SEMA4D: variants seen among roughly 807,000 people sequenced by gnomAD.
The protein encoded by SEMA4D is semaphorin-4D.
Under a neutral mutation model 74.8 loss-of-function variants are expected in SEMA4D, and 22 were observed. The ratio of observed to expected loss-of-function variants is 0.29; its 90% CI spans 0.21 to 0.42. The LOEUF is 0.42. Among genes scored for constraint, SEMA4D ranks in the 10% least tolerant of loss-of-function variants. The pLI, the probability that SEMA4D is intolerant of heterozygous loss-of-function variation, is 1.00. For synonymous variants in SEMA4D, 445 were observed against 463.7 expected (o/e 0.96, Z 0.52); for missense variants, 937 against 1,118.4 (o/e 0.84, Z 2.31).
At chr9:89,398,747 G>A (rs1447212047) in intron 5 of SEMA4D, among the ~76,000 whole-genome samples, 1 of 152,186 alleles carries the variant, frequency 6.6e-6, no homozygotes, top group East Asian at 1.9e-4. Flanking sequence ...GCCTGCTCCT[G>A]CTGGCACCCA....
At chr9:89,370,825 GTGTC>G (rs1308097516) in intron 16 of SEMA4D, among the ~76,000 whole-genome samples, 14 of 146,530 alleles carry the variant, frequency 9.6e-5, no homozygotes, top group East Asian at 8.3e-4. Flanking sequence ...GGTGTGGTGT[GTGTC>G]TGGGGTGCGG....
intron 7 of SEMA4D, among the ~76,000 whole-genome samples, chr9:89,392,983 T>C (rs981830974): frequency 2.6e-5 from 4 of 152,202 alleles, no homozygotes; most frequent in Non-Finnish European, 5.9e-5. Flanking sequence ...CATGAGCCAC[T>C]GAGCCTGGCT....
chr9:89,363,446 C>T, exon 18 of SEMA4D: 1 of 1,613,770 alleles, frequency 6.2e-7, no homozygotes, highest in Non-Finnish European at 8.5e-7. Context: ...CTTCCTCCAG[C>T]TCTGCATCAT....
At position 89,492,193 on chromosome 9, in the gene SEMA4D, A is replaced by C. The variant is rs1564017523; in HGVS notation, c.-310+5726T>G. The stretch of plus-strand genomic sequence containing the variant: ...ATACTTCAGCCCACCATCCCAGACC[A>C]CATGGATAAACCCCAGGTTGTCTTC... On this transcript the variant is annotated intron_variant, in intron 1 of 15. Coordinates refer to ENST00000422704, the MANE Select transcript of SEMA4D (RefSeq NM_001371194.2). The surrounding 1 kb of genome is among the most constrained non-coding windows in gnomAD (Gnocchi z 4.3). Among the ~76,000 whole-genome samples the C allele has an allele frequency of 6.6e-6, 1 of 152,050 alleles. No homozygotes were observed. The highest frequency in any genetic ancestry group is 2.4e-5 in the African/African-American group (1 of 41,392).
chr9:89,385,121 G>A (rs1380490899), intron 13 of SEMA4D: 1 of 930,060 alleles, frequency 1.1e-6, no homozygotes, highest in African/African-American at 1.8e-5. Flanking sequence ...CCGAGTTCTG[G>A]GAGATGGCGG....
chr9:89,487,380 C>T (rs1284359474), intron 1 of SEMA4D, among the ~76,000 whole-genome samples: 1 of 152,060 alleles, frequency 6.6e-6, no homozygotes, highest in Non-Finnish European at 1.5e-5. Context: ...AAAACTTCCA[C>T]CGCCTTGTAA....
intron 12 of SEMA4D, chr9:89,386,823 G>A: frequency 3.5e-6 from 1 of 289,154 alleles, no homozygotes; most frequent in South Asian, 3.4e-5. Context: ...GGGTGTCACT[G>A]GTAAGTGCCC....
chr9:89,454,176 G>T (rs1054235374), intron 2 of SEMA4D, among the ~76,000 whole-genome samples: 2 of 152,192 alleles, frequency 1.3e-5, no homozygotes, highest in Non-Finnish European at 2.9e-5. Flanking sequence ...GAAGATCCCA[G>T]CCTGGGCAAG....
chr9:89,424,545 T>TA, intron 2 of SEMA4D, among the ~76,000 whole-genome samples: 1 of 152,026 alleles, frequency 6.6e-6, no homozygotes, highest in South Asian at 2.1e-4. Context: ...TCCTTCGAGC[T>TA]CTTTTTTTTC....
chr9:89,468,155 C>G (rs1228121895), intron 1 of SEMA4D, among the ~76,000 whole-genome samples: 1 of 152,208 alleles, frequency 6.6e-6, no homozygotes, highest in Non-Finnish European at 1.5e-5. Context: ...CACAGAACCC[C>G]ACTCCACTCC....
chr9:89,452,353 T>C (rs1854799084), intron 2 of SEMA4D, among the ~76,000 whole-genome samples: 1 of 151,898 alleles, frequency 6.6e-6, no homozygotes, highest in Non-Finnish European at 1.5e-5. Flanking sequence ...TAATTTTTTG[T>C]ATTTTTAGTA....
At chr9:89,466,442 A>G (rs1318282822) in intron 1 of SEMA4D, among the ~76,000 whole-genome samples, 1 of 151,896 alleles carries the variant, frequency 6.6e-6, no homozygotes, top group Non-Finnish European at 1.5e-5. Context: ...CACACCTACA[A>G]CACCTGGGAC....
intron 1 of SEMA4D, among the ~76,000 whole-genome samples, chr9:89,496,978 C>G (rs1826068462): frequency 6.6e-6 from 1 of 152,238 alleles, no homozygotes; most frequent in African/African-American, 2.4e-5. Flanking sequence ...GTGCTCAACA[C>G]AGAGTGAGGT....
rs756693751 is a variant in SEMA4D at position 89,396,731 on chromosome 9, C to A, written c.414+6G>T. On this transcript the variant is annotated splice_donor_region_variant and intron_variant, in intron 6 of 15. Transcript: ENST00000422704. Reference sequence around the variant, plus strand: ...GTGAGCACAGGGAGGTGCCCATCAGCCTTACCAGGTGGTCACAGGCCGGCT... The same window carrying A: ...GTGAGCACAGGGAGGTGCCCATCAGACTTACCAGGTGGTCACAGGCCGGCT... 1 of 1,611,554 alleles carries A rather than the reference C, an allele frequency of 6.2e-7. No homozygotes were observed. Among genetic ancestry groups the A allele is most frequent in the Admixed American group, 1.7e-5 (1 of 59,846 alleles).
intron 2 of SEMA4D, among the ~76,000 whole-genome samples, chr9:89,447,309 T>G (rs540786999): frequency 1.3e-5 from 2 of 151,780 alleles, no homozygotes; most frequent in African/African-American, 4.8e-5. Flanking sequence ...CTCAGATGTT[T>G]CCTCAACTCC....
At chr9:89,385,115 G>C (rs1838144648) in intron 13 of SEMA4D, 2 of 941,856 alleles carry the variant, frequency 2.1e-6, no homozygotes, top group Non-Finnish European at 2.5e-6. Context: ...ATGTGACCGA[G>C]TTCTGGGAGA....
downstream of SEMA4D, among the ~76,000 whole-genome samples, chr9:89,375,884 G>A (rs561882785): frequency 6.6e-6 from 1 of 152,314 alleles, no homozygotes; most frequent in African/African-American, 2.4e-5. Context: ...TGATTTTTGA[G>A]ACAGGGTCTT....
intron 1 of SEMA4D, among the ~76,000 whole-genome samples, chr9:89,480,586 T>C (rs1052272468): frequency 7.1e-4 from 108 of 152,286 alleles, no homozygotes; most frequent in African/African-American, 2.0e-3. Flanking sequence ...CAAGGCCCGG[T>C]GAGAAATCGA....
chr9:89,368,849 G>T (rs1834098720), intron 16 of SEMA4D: 1 of 152,350 alleles, frequency 6.6e-6, no homozygotes, highest in Admixed American at 6.5e-5. Context: ...TCTGCAAAGG[G>T]ACCTGAGAAA....
Sources: allele counts gnomAD v4.1 joint callset (sites outside exome capture counted in the v4.1 genomes callset), GRCh38; gene constraint gnomAD v4.1.1; non-coding constraint Gnocchi (gnomAD v3.1); transcripts MANE v1.5; gene names NCBI Gene and HGNC (gene_info 2026-07-23, HGNC 2026-07-21).